ARHGEF33: variants seen among roughly 807,000 people sequenced by gnomAD.
ARHGEF33 encodes DH and coiled-coil domain-containing protein ENSP00000381780.
In ARHGEF33, 72 loss-of-function variants were observed where a neutral mutation model predicts 101.9. The ratio of observed to expected loss-of-function variants is 0.71; its 90% CI spans 0.58 to 0.86. ARHGEF33 has a LOEUF of 0.86. Among genes scored for constraint, ARHGEF33 ranks in the 40% least tolerant of loss-of-function variants. ARHGEF33 has a pLI of 0.00. For synonymous variants in ARHGEF33, 499 were observed against 442.5 expected (o/e 1.13, Z -1.60); for missense variants, 1,169 against 1,111.3 (o/e 1.05, Z -0.74).
chr2:38,944,696 C>G (rs1368623637), intron 10 of ARHGEF33, among the ~76,000 whole-genome samples: 1 of 152,154 alleles, frequency 6.6e-6, no homozygotes, highest in Non-Finnish European at 1.5e-5. Flanking sequence ...AGGCGTTGGT[C>G]TCTGTTGCCA....
chr2:38,961,891 G>A (rs1667951751), intron 16 of ARHGEF33, among the ~76,000 whole-genome samples: 1 of 151,958 alleles, frequency 6.6e-6, no homozygotes, highest in Non-Finnish European at 1.5e-5. Flanking sequence ...GTGAGGTAGG[G>A]AAGCGTGAGA....
chr2:38,896,226 C>T (rs573598903), intron 2 of ARHGEF33, among the ~76,000 whole-genome samples: 33 of 152,178 alleles, frequency 2.2e-4, no homozygotes, highest in Non-Finnish European at 4.0e-4. Context: ...GCAACCTCTG[C>T]CTTCCAGGTT....
chr2:38,914,684 A>G (rs1666594255), intron 2 of ARHGEF33, among the ~76,000 whole-genome samples: 1 of 142,196 alleles, frequency 7.0e-6, no homozygotes, highest in Non-Finnish European at 1.5e-5. Context: ...AAAAAAAAAA[A>G]GTAATTTCTT....
At chr2:38,897,776 T>C (rs1221863879) in intron 2 of ARHGEF33, among the ~76,000 whole-genome samples, 1 of 152,166 alleles carries the variant, frequency 6.6e-6, no homozygotes, top group Non-Finnish European at 1.5e-5. Context: ...CTGGGTCATA[T>C]CAAGAAAGCC....
Position 38,929,782 on chromosome 2 carries a change from A to G in ARHGEF33, c.314A>G (p.Glu105Gly). The G allele has an allele frequency of 6.4e-7, 1 of 1,551,740 alleles. No individual in the cohort carries two copies. Among genetic ancestry groups the G allele is most frequent in the South Asian group, 1.2e-5 (1 of 84,054 alleles). The change falls in exon 6 of 18, where the codon GAG becomes GGG. Residue 105 changes from glutamate to glycine, a missense_variant. Glu to Gly is a moderately conservative substitution (Grantham distance 98). Transcript: ENST00000409978. ...CAAGAAGAAATGCAACAGAAAATCG[A>G]GCAGCTTCAACAGGAGAAGCGAAGA... ...SKQEEMQQKI[E>G]QLQQEKRRES... is the part of the protein sequence containing the mutation.
Position 38,939,927 on chromosome 2 carries a change from GT to G in ARHGEF33, c.790+2372del, listed in dbSNP as rs536509233. On this transcript the variant is annotated intron_variant, in intron 9 of 17. Coordinates refer to ENST00000409978, the MANE Select transcript of ARHGEF33 (RefSeq NM_001145451.5). ...TATGCTTTCTTCTAAAATCTTTATA[GT>G]TTTAGCTTTCACATTTAGGTCTATG... is the stretch of plus-strand genomic sequence containing the variant. Among the ~76,000 whole-genome samples the G allele has an allele frequency of 5.4e-4, 83 of 152,316 alleles. 1 individual carries two copies. Among genetic ancestry groups the G allele is most frequent in the South Asian group, 2.9e-3 (14 of 4,830 alleles).
chr2:38,957,856 G>C lies in ARHGEF33; in HGVS notation c.1371-178G>C. On this transcript the variant is annotated intron_variant, in intron 14 of 17. Transcript: ENST00000409978. Reference sequence around the variant, plus strand: ...TTCAGCCAGTGAATCAGCTTCCCTAGTCCTGCCAGCTTGCACCCTATTAAG... The same window carrying C: ...TTCAGCCAGTGAATCAGCTTCCCTACTCCTGCCAGCTTGCACCCTATTAAG... 4 of 689,096 alleles carry C rather than the reference G, an allele frequency of 5.8e-6. No individual in the cohort carries two copies. In the South Asian group the frequency reaches 8.0e-5, roughly 14 times the overall value. The allele number at this position is 689,096 out of a possible 1,614,324, so 42.7% of individuals were successfully genotyped here.
chr2:38,946,443 T>A (rs1417181259), intron 10 of ARHGEF33, among the ~76,000 whole-genome samples: 1 of 152,206 alleles, frequency 6.6e-6, no homozygotes, highest in Non-Finnish European at 1.5e-5. Context: ...CTTTTTTCTT[T>A]GCATGGACCA....
At chr2:38,937,990 C>T (rs1414209711) in intron 9 of ARHGEF33, among the ~76,000 whole-genome samples, 1 of 152,078 alleles carries the variant, frequency 6.6e-6, no homozygotes, top group African/African-American at 2.4e-5. Flanking sequence ...TGAACAATTA[C>T]TGTGTCAGAC....
intron 2 of ARHGEF33, among the ~76,000 whole-genome samples, chr2:38,903,681 A>T (rs577547386): frequency 5.3e-5 from 8 of 152,294 alleles, no homozygotes; most frequent in Non-Finnish European, 1.0e-4. Context: ...TATAACAAGG[A>T]CTAAGCTATT....
chr2:38,915,677 T>A (rs1394784794), intron 2 of ARHGEF33, among the ~76,000 whole-genome samples: 1 of 152,080 alleles, frequency 6.6e-6, no homozygotes, highest in African/African-American at 2.4e-5. Flanking sequence ...TGGCCTCTAA[T>A]GTAGTTTTGT....
At position 38,958,166 on chromosome 2, in the gene ARHGEF33, C is replaced by T. The variant is rs1280681811; in HGVS notation, c.1503C>T (p.Tyr501=). Reference sequence around the variant, plus strand: ...ACTCAGAAGAGTTGCTGCAACCCTACCCTTCTGCTCCCAGTTCTGGCCCTG... The same window carrying T: ...ACTCAGAAGAGTTGCTGCAACCCTATCCTTCTGCTCCCAGTTCTGGCCCTG... ...GIHSEELLQP[Y]PSAPSSGPAI... The change falls in exon 15 of 18, where the codon TAC becomes TAT. Residue 501 remains tyrosine (Y), a synonymous_variant. Transcript: ENST00000409978. The T allele has an allele frequency of 3.2e-6, 5 of 1,551,770 alleles. No homozygotes were observed. In the Admixed American group the frequency reaches 5.9e-5, roughly 18 times the overall value.
chr2:38,906,450 C>T lies in ARHGEF33; in HGVS notation c.-86+10601C>T, dbSNP rs115315468. On this transcript the variant is annotated intron_variant, in intron 2 of 17. Coordinates refer to ENST00000409978, the MANE Select transcript of ARHGEF33 (RefSeq NM_001145451.5). ...GTCTCCTTATGGAATGTCTCTAGCC[C>T]TTTTCTCATTGTTCCAAACTTTTCA... is the stretch of plus-strand genomic sequence containing the variant. 3.7e-3 allele frequency among the ~76,000 whole-genome samples: 560 copies of T among 152,246 alleles called. 4 individuals carry two copies. The highest frequency in any genetic ancestry group is 0.013 in the African/African-American group (528 of 41,532).
chr2:38,965,197 T>C (rs1668027250), intron 16 of ARHGEF33, among the ~76,000 whole-genome samples: 1 of 152,200 alleles, frequency 6.6e-6, no homozygotes, highest in Non-Finnish European at 1.5e-5. Context: ...TCAGCAGCTG[T>C]TTTTAAAGTT....
chr2:38,942,442 G>A lies in ARHGEF33; in HGVS notation c.791-1459G>A, dbSNP rs1254205567. Among the ~76,000 whole-genome samples the A allele has an allele frequency of 2.0e-5, 3 of 146,672 alleles. No homozygotes were observed. The Admixed American group carries it at 2.0e-4, about 10-fold the overall frequency. On this transcript the variant is annotated intron_variant, in intron 9 of 17. Coordinates refer to ENST00000409978, the MANE Select transcript of ARHGEF33 (RefSeq NM_001145451.5). ...CCCAAAGTGCTGGGATTACAGGCGT[G>A]AGCCACCACGCCCAGCCCCTCTTAT...
At chr2:38,935,395 TTG>T (rs780223571) in intron 7 of ARHGEF33, among the ~76,000 whole-genome samples, 10 of 152,096 alleles carry the variant, frequency 6.6e-5, no homozygotes, top group Non-Finnish European at 1.3e-4. Flanking sequence ...AGATGGAGTT[TTG>T]TCATGCTGCC....
intron 16 of ARHGEF33, among the ~76,000 whole-genome samples, chr2:38,964,847 G>T (rs979197697): frequency 3.9e-5 from 6 of 152,140 alleles, no homozygotes; most frequent in African/African-American, 1.4e-4. Flanking sequence ...TAACTGCAGA[G>T]ATTCTGATTC....
intron 2 of ARHGEF33, among the ~76,000 whole-genome samples, chr2:38,903,639 C>T (rs1666299898): frequency 6.6e-6 from 1 of 152,112 alleles, no homozygotes; most frequent in Non-Finnish European, 1.5e-5. Flanking sequence ...ATTGAGTTTG[C>T]TTCTAAATTT....
At chr2:38,925,399 CT>C (rs910820691) in intron 4 of ARHGEF33, among the ~76,000 whole-genome samples, 1 of 152,170 alleles carries the variant, frequency 6.6e-6, no homozygotes, top group African/African-American at 2.4e-5. Context: ...GACTAAGTCT[CT>C]TTTTGCCATT....
Sources: gnomAD v4.1 joint callset for allele counts (sites outside exome capture counted in the v4.1 genomes callset) on GRCh38, gnomAD v4.1.1 for gene constraint, MANE v1.5 for transcripts, NCBI Gene and HGNC (gene_info 2026-07-23, HGNC 2026-07-21) for gene names.